The following RNMT variants were observed in gnomAD, a reference collection of about 807,000 sequenced individuals.
RNMT encodes the protein mRNA cap guanine-N(7) methyltransferase.
RNMT carries 27 observed loss-of-function variants against 56.0 expected under a neutral mutation model. The ratio of observed to expected loss-of-function variants is 0.48; its 90% CI spans 0.36 to 0.67. The LOEUF (loss-of-function observed/expected upper bound fraction) is 0.67, where lower values mean the gene tolerates loss of function less well. Among genes scored for constraint, RNMT ranks in the 30% least tolerant of loss-of-function variants. The pLI is 0.00. For synonymous variants in RNMT, 184 were observed against 176.2 expected (o/e 1.04, Z -0.35); for missense variants, 519 against 552.1 (o/e 0.94, Z 0.60).
chr18:13,754,502 CAAAA>C (rs899850524), intron 11 of RNMT, among the ~76,000 whole-genome samples: 8 of 151,110 alleles, frequency 5.3e-5, no homozygotes, highest in Non-Finnish European at 8.9e-5. Context: ...GCGAGACTCT[CAAAA>C]AAAAATCTGA....
chr18:13,751,903 G>A (rs1205455165), intron 9 of RNMT, among the ~76,000 whole-genome samples: 1 of 152,034 alleles, frequency 6.6e-6, no homozygotes, highest in Non-Finnish European at 1.5e-5. Flanking sequence ...TCACTCATAG[G>A]TGGGAGTTGA....
intron 8 of RNMT, among the ~76,000 whole-genome samples, chr18:13,743,679 A>G (rs1457445700): frequency 6.6e-6 from 1 of 151,916 alleles, no homozygotes; most frequent in African/African-American, 2.4e-5. Context: ...ATTGAACTTG[A>G]TTTTCTACTT....
At chr18:13,748,674 A>G (rs72870720) in intron 9 of RNMT, among the ~76,000 whole-genome samples, 20 of 152,366 alleles carry the variant, frequency 1.3e-4, no homozygotes, top group Non-Finnish European at 2.2e-4. Context: ...GATGTAGGCC[A>G]TGGAACTGTA....
chr18:13,734,062 G>A (rs2044118932), intron 3 of RNMT, among the ~76,000 whole-genome samples: 1 of 152,148 alleles, frequency 6.6e-6, no homozygotes, highest in Non-Finnish European at 1.5e-5. Context: ...TAGTGAATAA[G>A]TCTCACGAGA....
chr18:13,754,211 A>G lies in RNMT; in HGVS notation c.1393+64A>G, dbSNP rs532161977. On this transcript the variant is annotated intron_variant, in intron 11 of 11. Coordinates refer to ENST00000383314, the MANE Select transcript of RNMT (RefSeq NM_003799.3). ...AAAGTCCTGTTTCAAAGTGATCATT[A>G]AAACCTGAAAAAAGGCTGGGCACTG... 109 of 1,118,256 alleles carry G rather than the reference A, an allele frequency of 9.7e-5. No homozygotes were observed. The African/African-American group carries it at 1.6e-3, about 16-fold the overall frequency. 69.3% of individuals were successfully genotyped at this position (1,118,256 alleles called of 1,614,324 possible).
rs1051698120 is a variant in RNMT at position 13,726,677 on chromosome 18, A to T, written c.-224A>T. ...ACCTCCGGAAGTGACGTAAGCAGAC[A>T]CGCGTGGCGCGGGCCGCCGTTTCCG... On this transcript the variant is annotated 5_prime_UTR_variant, in exon 1 of 12. Coordinates refer to ENST00000383314, the MANE Select transcript of RNMT (RefSeq NM_003799.3). 6.6e-6 allele frequency: 1 copy of T among 152,272 alleles called. No homozygotes were observed. Among genetic ancestry groups the T allele is most frequent in the Non-Finnish European group, 1.5e-5 (1 of 68,088 alleles). The allele number at this position is 152,272 out of a possible 1,614,324, so 9.4% of individuals were successfully genotyped here. A position where few individuals can be genotyped will look rare whatever the true frequency, so the allele number is the denominator to read the frequency against.
intron 5 of RNMT, among the ~76,000 whole-genome samples, chr18:13,739,961 G>A (rs920552177): frequency 2.0e-5 from 3 of 152,154 alleles, no homozygotes; most frequent in Non-Finnish European, 4.4e-5. Context: ...TATAGCGTCC[G>A]TACCTATTGA....
At position 13,734,407 on chromosome 18, in the gene RNMT, G is replaced by A; in HGVS notation, c.418-57G>A. ...TCCATTCACAGGTCAAATGTTCTGA[G>A]GCTTATTTTTACCATGTTCTGATCC... is the stretch of plus-strand genomic sequence containing the variant. On this transcript the variant is annotated intron_variant, in intron 3 of 11. Coordinates refer to ENST00000383314, the MANE Select transcript of RNMT (RefSeq NM_003799.3). 5 of 1,504,422 alleles carry A rather than the reference G, an allele frequency of 3.3e-6. No homozygotes were observed. The South Asian group carries it at 6.4e-5, about 19-fold the overall frequency. 93.2% of individuals were successfully genotyped at this position (1,504,422 alleles called of 1,614,324 possible).
chr18:13,747,553 C>G (rs978639461), intron 9 of RNMT, among the ~76,000 whole-genome samples: 1 of 152,172 alleles, frequency 6.6e-6, no homozygotes, highest in East Asian at 1.9e-4. Context: ...CAGCCTGAGG[C>G]TCAGAGGATA....
Position 13,760,106 on chromosome 18 carries a change from A to G in RNMT, c.*127A>G, listed in dbSNP as rs1043300654. 24 of 1,409,230 alleles carry G rather than the reference A, an allele frequency of 1.7e-5. No individual in the cohort carries two copies. Among genetic ancestry groups the G allele is most frequent in the Non-Finnish European group, 2.1e-5 (23 of 1,075,960 alleles). The allele number at this position is 1,409,230 out of a possible 1,614,324, so 87.3% of individuals were successfully genotyped here. A position where few individuals can be genotyped will look rare whatever the true frequency, so the allele number is the denominator to read the frequency against. The stretch of plus-strand genomic sequence containing the variant: ...CTAAATGTGCAGGATGCTGCCAGAA[A>G]CTCCAATGTAGAAATTCAACATTTG... On this transcript the variant is annotated 3_prime_UTR_variant, in exon 12 of 12. Transcript: ENST00000383314.
intron 5 of RNMT, among the ~76,000 whole-genome samples, chr18:13,738,645 G>T (rs1253959528): frequency 6.6e-6 from 1 of 152,182 alleles, no homozygotes; most frequent in African/African-American, 2.4e-5. Context: ...GTTCACTAAA[G>T]TTATGCAGAT....
At chr18:13,727,444 G>A (rs1280616669) in intron 1 of RNMT, among the ~76,000 whole-genome samples, 3 of 152,152 alleles carry the variant, frequency 2.0e-5, no homozygotes, top group Non-Finnish European at 4.4e-5. Context: ...TTTGAGTTTG[G>A]TTTGGGTTTT....
At position 13,760,250 on chromosome 18, in the gene RNMT, C is replaced by A; in HGVS notation, c.*271C>A. The A allele has an allele frequency of 1.7e-6, 2 of 1,148,438 alleles. No homozygotes were observed. Among genetic ancestry groups the A allele is most frequent in the Non-Finnish European group, 2.1e-6 (2 of 933,842 alleles). The allele number at this position is 1,148,438 out of a possible 1,614,324, so 71.1% of individuals were successfully genotyped here. A position where few individuals can be genotyped will look rare whatever the true frequency, so the allele number is the denominator to read the frequency against. The stretch of plus-strand genomic sequence containing the variant: ...TCCATTTGCCTCTATGATCTTAGCT[C>A]ATAAAAATATAATATGACTTGATAA... On this transcript the variant is annotated 3_prime_UTR_variant, in exon 12 of 12. Coordinates refer to ENST00000383314, the MANE Select transcript of RNMT (RefSeq NM_003799.3).
chr18:13,744,159 CTTTTTTTTT>C (rs201093998), intron 8 of RNMT, among the ~76,000 whole-genome samples: 112 of 91,426 alleles, frequency 1.2e-3, no homozygotes, highest in East Asian at 7.0e-3. Context: ...TAGCGGTCTT[CTTTTTTTTT>C]TTTTTTTTTT....
At chr18:13,752,262 G>A in intron 9 of RNMT, 64 bp from the exon 10 acceptor site, 1 of 929,620 alleles carries the variant, frequency 1.1e-6, no homozygotes. Context: ...CAGTGATTTA[G>A]CATGTTTAAT....
intron 8 of RNMT, among the ~76,000 whole-genome samples, chr18:13,744,793 C>T (rs1469493589): frequency 6.6e-6 from 1 of 152,166 alleles, no homozygotes; most frequent in Non-Finnish European, 1.5e-5. Context: ...TTCAGGGTTT[C>T]TCCCCTTCCT....
intron 9 of RNMT, among the ~76,000 whole-genome samples, chr18:13,751,076 C>T (rs781576738): frequency 6.6e-5 from 10 of 152,138 alleles, no homozygotes; most frequent in Non-Finnish European, 1.2e-4. Context: ...ATGACTAAAA[C>T]ACCAAAAGCA....
At chr18:13,745,917 G>A (rs888872878) in intron 8 of RNMT, among the ~76,000 whole-genome samples, 1 of 152,180 alleles carries the variant, frequency 6.6e-6, no homozygotes, top group Non-Finnish European at 1.5e-5. Flanking sequence ...AAAGTGAAAT[G>A]GAATCAGTAG....
intron 11 of RNMT, among the ~76,000 whole-genome samples, chr18:13,754,730 T>A (rs746334247): frequency 3.3e-5 from 5 of 152,232 alleles, no homozygotes; most frequent in Non-Finnish European, 5.9e-5. Flanking sequence ...CCATCTCCAT[T>A]TGAAGTGTTT....
Sources: allele counts gnomAD v4.1 joint callset (sites outside exome capture counted in the v4.1 genomes callset), GRCh38; gene constraint gnomAD v4.1.1; transcripts MANE v1.5; gene names NCBI Gene and HGNC (gene_info 2026-07-23, HGNC 2026-07-21).